GREM2: variants seen among roughly 807,000 people sequenced by gnomAD.
GREM2 encodes gremlin-2.
GREM2 carries 11 observed loss-of-function variants against 14.2 expected under a neutral mutation model. That is an observed-to-expected ratio of 0.78 (90% CI 0.49 to 1.28). The LOEUF is 1.28. Ranked by LOEUF, GREM2 falls within the 50% of genes most tolerant of loss-of-function variation. The probability of loss-of-function intolerance (pLI) is 0.00; values close to 1 mark genes in which losing one functional copy is unlikely to be tolerated. For synonymous variants in GREM2, 98 were observed against 97.6 expected (o/e 1.00, Z -0.02); for missense variants, 210 against 218.5 (o/e 0.96, Z 0.24).
chr1:240,501,207 T>C (rs1677562983), intron 1 of GREM2, among the ~76,000 whole-genome samples: 1 of 152,188 alleles, frequency 6.6e-6, no homozygotes, highest in South Asian at 2.1e-4. Context: ...AATTTCCAAC[T>C]ATAAATCTTC....
intron 1 of GREM2, among the ~76,000 whole-genome samples, chr1:240,559,977 G>C (rs1679010757): frequency 6.6e-6 from 1 of 152,120 alleles, no homozygotes; most frequent in Non-Finnish European, 1.5e-5. Flanking sequence ...TTTATGCAGT[G>C]AGTCACAGGA....
chr1:240,587,593 A>G (rs1178894939), intron 1 of GREM2, among the ~76,000 whole-genome samples: 1 of 152,130 alleles, frequency 6.6e-6, no homozygotes, highest in African/African-American at 2.4e-5. Context: ...AAGTGCTAGG[A>G]TTATAGGTGT....
At chr1:240,590,127 T>G (rs540701624) in intron 1 of GREM2, among the ~76,000 whole-genome samples, 1 of 152,354 alleles carries the variant, frequency 6.6e-6, no homozygotes, top group African/African-American at 2.4e-5. Context: ...ATGTCATAAC[T>G]ACAGCTGTAT....
In GREM2 at chr1:240,493,032, T is replaced by C; in HGVS notation, c.444A>G (p.Lys148=). The C allele has an allele frequency of 6.3e-7, 1 of 1,599,802 alleles. No individual in the cohort carries two copies. The highest frequency in any genetic ancestry group is 8.5e-7 in the Non-Finnish European group (1 of 1,169,658). The part of the protein sequence containing the change: ...PGLDPPFRLK[K]IQKVKQCRCM... ...ACCGGCACTGCTTCACCTTCTGGATTTTCTTGAGTCGGAAGGGTGGGTCCA... is the reference window on the plus strand; with the variant it reads ...ACCGGCACTGCTTCACCTTCTGGATCTTCTTGAGTCGGAAGGGTGGGTCCA... Residue 148 remains lysine, a synonymous_variant, in exon 2 of 2, where the codon AAA becomes AAG. Transcript: ENST00000318160.
intron 1 of GREM2, among the ~76,000 whole-genome samples, chr1:240,552,554 C>T (rs12726864): frequency 3.2e-4 from 49 of 152,314 alleles, no homozygotes; most frequent in Non-Finnish European, 5.1e-4. Flanking sequence ...GTGATCGGGC[C>T]ACTGCACTCC....
At chr1:240,585,295 T>C (rs76184735) in intron 1 of GREM2, among the ~76,000 whole-genome samples, 5,732 of 152,134 alleles carry the variant, frequency 0.038, 339 homozygotes, top group African/African-American at 0.13. Context: ...TAGGGCCCTG[T>C]GAGGACTGCC....
At chr1:240,541,167 G>A (rs559116023) in intron 1 of GREM2, among the ~76,000 whole-genome samples, 15 of 152,302 alleles carry the variant, frequency 9.8e-5, no homozygotes, top group East Asian at 9.7e-4. Context: ...CCTTTTCACC[G>A]TTCTTAAAAG....
intron 1 of GREM2, among the ~76,000 whole-genome samples, chr1:240,607,577 C>G (rs1283351689): frequency 4.6e-5 from 7 of 152,220 alleles, no homozygotes; most frequent in African/African-American, 1.4e-4. Flanking sequence ...GAAAGGTGGT[C>G]TCTGCAGGCC....
At chr1:240,562,800 AGTGT>A (rs1165539542) in intron 1 of GREM2, among the ~76,000 whole-genome samples, 4 of 143,740 alleles carry the variant, frequency 2.8e-5, no homozygotes, top group Admixed American at 6.9e-5. Context: ...TGTGTATGTG[AGTGT>A]GTATGTGTGT....
chr1:240,547,383 C>T (rs1210820334), intron 1 of GREM2, among the ~76,000 whole-genome samples: 2 of 151,198 alleles, frequency 1.3e-5, no homozygotes, highest in African/African-American at 4.9e-5. Context: ...GCCTGTAGTC[C>T]CAGCTACTCA....
chr1:240,593,165 T>A (rs1431193927), intron 1 of GREM2, among the ~76,000 whole-genome samples: 1 of 151,578 alleles, frequency 6.6e-6, no homozygotes, highest in African/African-American at 2.4e-5. Flanking sequence ...AAAAATAAAA[T>A]AAAATAAAAT....
intron 1 of GREM2, among the ~76,000 whole-genome samples, chr1:240,544,982 T>A (rs1479480580): frequency 6.6e-6 from 1 of 152,222 alleles, no homozygotes; most frequent in Non-Finnish European, 1.5e-5. Flanking sequence ...AAATACATAT[T>A]TGGTCCTCCA....
intron 1 of GREM2, among the ~76,000 whole-genome samples, chr1:240,500,208 T>C (rs1192799572): frequency 6.6e-6 from 1 of 152,210 alleles, no homozygotes; most frequent in Admixed American, 6.5e-5. Flanking sequence ...CTCACTGAGA[T>C]GACCAGCATC....
At chr1:240,568,762 A>C (rs1417089527) in intron 1 of GREM2, among the ~76,000 whole-genome samples, 1 of 152,240 alleles carries the variant, frequency 6.6e-6, no homozygotes, top group African/African-American at 2.4e-5. Flanking sequence ...TTGTCTATGC[A>C]GAAAATCTAA....
chr1:240,561,402 C>T (rs983520757), intron 1 of GREM2, among the ~76,000 whole-genome samples: 1 of 152,056 alleles, frequency 6.6e-6, no homozygotes, highest in Non-Finnish European at 1.5e-5. Flanking sequence ...ATAAACTTTG[C>T]CGAATTCCAA....
intron 1 of GREM2, among the ~76,000 whole-genome samples, chr1:240,602,253 T>C (rs752218176): frequency 3.9e-5 from 6 of 152,184 alleles, no homozygotes; most frequent in Non-Finnish European, 5.9e-5. Flanking sequence ...AACAGAATTC[T>C]TTTCTGAGGT....
intron 1 of GREM2, among the ~76,000 whole-genome samples, chr1:240,550,962 G>T (rs1999999): frequency 0.1 from 15,540 of 152,136 alleles, 1,081 homozygotes; most frequent in Non-Finnish European, 0.14. Context: ...TGGAAACTTG[G>T]AATTAAAAGG....
chr1:240,492,917 C>T lies in GREM2; in HGVS notation c.*52G>A. ...AGGGCAGGGACAGAGGCGGCGGCGG[C>T]GCCACCCAGCGGCCGGGCGCGCGCG... On this transcript the variant is annotated 3_prime_UTR_variant, in exon 2 of 2. Coordinates refer to ENST00000318160, the MANE Select transcript of GREM2 (RefSeq NM_022469.4). 2 of 1,349,114 alleles carry T rather than the reference C, an allele frequency of 1.5e-6. No homozygotes were observed. The highest frequency in any genetic ancestry group is 1.9e-6 in the Non-Finnish European group (2 of 1,049,312). The allele number at this position is 1,349,114 out of a possible 1,614,324, so 83.6% of individuals were successfully genotyped here.
Position 240,533,562 on chromosome 1 carries a change from C to A in GREM2, c.-1-40086G>T, listed in dbSNP as rs531078394. The stretch of plus-strand genomic sequence containing the variant: ...AGTCCCATCAGAAGCACTGAGGAGG[C>A]ACAACTGGGACAAGGGGAGTAGGTG... On this transcript the variant is annotated intron_variant, in intron 1 of 1. Transcript: ENST00000318160. Among the ~76,000 whole-genome samples the A allele has an allele frequency of 5.2e-5, 6 of 114,332 alleles. No homozygotes were observed. In the South Asian group the frequency reaches 1.8e-3, roughly 34 times the overall value. The allele number at this position is 114,332 out of a possible 152,430, so 75.0% of individuals were successfully genotyped here.
Sources: allele counts gnomAD v4.1 joint callset (sites outside exome capture counted in the v4.1 genomes callset), GRCh38; gene constraint gnomAD v4.1.1; transcripts MANE v1.5; gene names NCBI Gene and HGNC (gene_info 2026-07-23, HGNC 2026-07-21).